XIRP2: variants seen among roughly 807,000 people sequenced by gnomAD.
XIRP2 encodes xin actin-binding repeat-containing protein 2.
In XIRP2, 236 loss-of-function variants were observed where a neutral mutation model predicts 277.0. The ratio of observed to expected loss-of-function variants is 0.85; its 90% CI spans 0.77 to 0.95. XIRP2 has a LOEUF of 0.95. Among genes scored for constraint, XIRP2 ranks in the 40% least tolerant of loss-of-function variants. The pLI is 0.00. For synonymous variants in XIRP2, 1,490 were observed against 1,416.5 expected, an observed-to-expected ratio of 1.05 and a Z score of -1.17; for missense variants, 4,640 against 4,157.5, an observed-to-expected ratio of 1.12 and a Z score of -3.19.
In XIRP2 at chr2:167,259,150, G is replaced by T. The variant is rs1346019125; in HGVS notation, c.*1333G>T. ...ATTCTGTAGATCAAATTAAAAATAT[G>T]CCATGCTTGGATTTAAGGGAATTTG... On this transcript the variant is annotated 3_prime_UTR_variant, in exon 11 of 11. Coordinates refer to ENST00000409195, the MANE Select transcript of XIRP2 (RefSeq NM_152381.6). 2 of 1,612,816 alleles carry T rather than the reference G, an allele frequency of 1.2e-6. No homozygotes were observed. The highest frequency in any genetic ancestry group is 4.5e-5 in the East Asian group (2 of 44,832).
At chr2:166,972,782 T>C (rs1199933619) in intron 2 of XIRP2, among the ~76,000 whole-genome samples, 3 of 152,222 alleles carry the variant, frequency 2.0e-5, no homozygotes, top group Admixed American at 2.0e-4. Flanking sequence ...TCCAGGGGGC[T>C]GTTTTAATCT....
At chr2:167,172,501 C>T (rs1249689046) in intron 3 of XIRP2, among the ~76,000 whole-genome samples, 1 of 152,142 alleles carries the variant, frequency 6.6e-6, no homozygotes, top group South Asian at 2.1e-4. Flanking sequence ...GAGACTGGGG[C>T]TTATTTCATC....
chr2:167,144,144 T>A (rs1463323423), intron 3 of XIRP2, among the ~76,000 whole-genome samples: 5 of 152,072 alleles, frequency 3.3e-5, no homozygotes, highest in African/African-American at 1.2e-4. Flanking sequence ...TAATGCAATA[T>A]AAGAATAACT....
intron 2 of XIRP2, among the ~76,000 whole-genome samples, chr2:166,916,002 A>G (rs960383315): frequency 1.3e-5 from 2 of 152,202 alleles, no homozygotes; most frequent in Admixed American, 6.5e-5. Context: ...GGAGAAAACC[A>G]TGAAGAAAAA....
intron 2 of XIRP2, among the ~76,000 whole-genome samples, chr2:166,954,317 GAATTA>G (rs1258057544): frequency 1.3e-5 from 2 of 151,798 alleles, no homozygotes; most frequent in East Asian, 3.9e-4. Context: ...GAAATATTAA[GAATTA>G]AATTATTTCA....
Position 167,245,467 on chromosome 2 carries a change from T to C in XIRP2, c.4075T>C (p.Leu1359=), listed in dbSNP as rs1695221880. 1 of 1,613,622 alleles carries C rather than the reference T, an allele frequency of 6.2e-7. No homozygotes were observed. The highest frequency in any genetic ancestry group is 8.5e-7 in the Non-Finnish European group (1 of 1,179,724). ...GTRWLFETKP[L]DSINKSETVY... ...AAGGTGGCTTTTTGAAACAAAGCCA[T>C]TAGACTCTATTAATAAATCAGAAAC... is the stretch of plus-strand genomic sequence containing the variant. Residue 1359 remains leucine, a synonymous_variant, in exon 9 of 11, where the codon TTA becomes CTA. Coordinates refer to ENST00000409195, the MANE Select transcript of XIRP2 (RefSeq NM_152381.6).
chr2:167,255,398 A>G (rs1412331478), intron 10 of XIRP2, among the ~76,000 whole-genome samples: 3 of 151,786 alleles, frequency 2.0e-5, no homozygotes, highest in African/African-American at 7.3e-5. Flanking sequence ...AGTAAATGAC[A>G]TTAACATTAA....
rs533764469 is a variant in XIRP2 at position 166,910,445 on chromosome 2, G to T, written c.408+6555G>T. 2.2e-4 allele frequency among the ~76,000 whole-genome samples: 34 copies of T among 152,146 alleles called. No homozygotes were observed. The South Asian group carries it at 4.8e-3, about 21-fold the overall frequency. ...CTGATGGTATTTTGTATTTCTGTGG[G>T]ATCGGTGGTGATATTCCCTTTATCA... On this transcript the variant is annotated intron_variant, in intron 2 of 10. Transcript: ENST00000409195.
intron 2 of XIRP2, among the ~76,000 whole-genome samples, chr2:166,951,683 G>T (rs1686037104): frequency 6.6e-6 from 1 of 152,144 alleles, no homozygotes; most frequent in East Asian, 1.9e-4. Flanking sequence ...ACTGACCAAG[G>T]TTCAGAAATC....
chr2:167,148,725 C>A (rs1265827651), intron 3 of XIRP2, among the ~76,000 whole-genome samples: 2 of 151,506 alleles, frequency 1.3e-5, no homozygotes, highest in African/African-American at 2.4e-5. Context: ...AAATATTAAC[C>A]AAAAGAAAGT....
At chr2:167,030,102 CT>C (rs1381738674) in intron 2 of XIRP2, among the ~76,000 whole-genome samples, 2 of 152,014 alleles carry the variant, frequency 1.3e-5, no homozygotes, top group Non-Finnish European at 2.9e-5. Context: ...ATTCTTCCCT[CT>C]TTTATTCTTT....
chr2:167,149,482 G>A (rs967261888), intron 3 of XIRP2, among the ~76,000 whole-genome samples: 1 of 152,124 alleles, frequency 6.6e-6, no homozygotes, highest in Admixed American at 6.5e-5. Flanking sequence ...TGCATACTCT[G>A]GGCATTTAGT....
intron 3 of XIRP2, among the ~76,000 whole-genome samples, chr2:167,176,292 G>A (rs1160312951): frequency 2.6e-5 from 4 of 151,088 alleles, no homozygotes; most frequent in African/African-American, 7.3e-5. Context: ...CCCACGTGAG[G>A]CAATGCCCCA....
intron 2 of XIRP2, among the ~76,000 whole-genome samples, chr2:166,982,487 A>T (rs867375602): frequency 6.6e-5 from 10 of 151,780 alleles, no homozygotes; most frequent in South Asian, 2.1e-4. Context: ...ACCACTTTTG[A>T]TATAGTCCCA....
At chr2:167,111,275 G>A (rs1353154480) in intron 2 of XIRP2, among the ~76,000 whole-genome samples, 1 of 152,086 alleles carries the variant, frequency 6.6e-6, no homozygotes, top group Non-Finnish European at 1.5e-5. Context: ...AATGCTTCTA[G>A]CTTTTGCCCC....
chr2:167,046,459 A>T (rs1688789282), intron 2 of XIRP2, among the ~76,000 whole-genome samples: 4 of 133,996 alleles, frequency 3.0e-5, no homozygotes, highest in African/African-American at 6.6e-5. Context: ...ATTCTACTAC[A>T]GAGACACATG....
At chr2:167,227,882 T>A (rs1447997457) in intron 5 of XIRP2, among the ~76,000 whole-genome samples, 2 of 152,176 alleles carry the variant, frequency 1.3e-5, no homozygotes, top group Non-Finnish European at 2.9e-5. Flanking sequence ...CATTACAATT[T>A]TTTTTGCAAT....
At chr2:167,159,042 A>G (rs1692286267) in intron 3 of XIRP2, among the ~76,000 whole-genome samples, 1 of 152,180 alleles carries the variant, frequency 6.6e-6, no homozygotes, top group Non-Finnish European at 1.5e-5. Flanking sequence ...GCTAGGATTC[A>G]GGCCTCAGTG....
In XIRP2 at chr2:167,149,642, A is replaced by T. The variant is rs146148768; in HGVS notation, c.562+13580A>T. 1.7e-3 allele frequency among the ~76,000 whole-genome samples: 257 copies of T among 152,136 alleles called. 5 individuals are homozygous for T. In the East Asian group the frequency reaches 0.046, roughly 27 times the overall value. ...ATTCCAAATGGTTTAAAAGCTACAT[A>T]TAAAAATCCCCAACTCAAAACTACA... On this transcript the variant is annotated intron_variant, in intron 3 of 10. Transcript: ENST00000409195.
Sources: allele counts gnomAD v4.1 joint callset (sites outside exome capture counted in the v4.1 genomes callset), GRCh38; gene constraint gnomAD v4.1.1; transcripts MANE v1.5; gene names NCBI Gene and HGNC (gene_info 2026-07-23, HGNC 2026-07-21).